GRID2: variants seen among roughly 807,000 people sequenced by gnomAD.
GRID2 encodes the protein glutamate ionotropic receptor delta type subunit 2, also known as glutamate receptor ionotropic, delta-2.
A neutral mutation model predicts 114.8 loss-of-function variants in GRID2; 33 were observed. That is an observed-to-expected ratio of 0.29 (90% CI 0.22 to 0.38). The LOEUF is 0.38. Ranked by LOEUF, GRID2 falls within the 10% of genes least tolerant of loss-of-function variation. GRID2 has a pLI of 1.00. For synonymous variants in GRID2, 505 were observed against 449.9 expected (o/e 1.12, Z -1.55); for missense variants, 1,184 against 1,257.7 (o/e 0.94, Z 0.89).
At chr4:92,572,489 G>A (rs1019631514) in intron 1 of GRID2, among the ~76,000 whole-genome samples, 1 of 151,954 alleles carries the variant, frequency 6.6e-6, no homozygotes, top group East Asian at 1.9e-4. Context: ...CTTCTGAAAT[G>A]ATTCCAATCA....
chr4:93,030,590 G>A (rs1724319175), intron 2 of GRID2, among the ~76,000 whole-genome samples: 1 of 151,930 alleles, frequency 6.6e-6, no homozygotes, highest in Non-Finnish European at 1.5e-5. Context: ...TTGCCATGTT[G>A]GCCAGGCTGG....
chr4:93,270,428 T>TA (rs1367243556), intron 8 of GRID2, among the ~76,000 whole-genome samples: 1 of 152,126 alleles, frequency 6.6e-6, no homozygotes, highest in Admixed American at 6.6e-5. Context: ...CAAATGTCCT[T>TA]ACATCAAGAA....
intron 2 of GRID2, among the ~76,000 whole-genome samples, chr4:93,036,770 T>C (rs1724972821): frequency 1.3e-5 from 2 of 152,162 alleles, no homozygotes. Context: ...TGAGCTCTGA[T>C]TATTTGGTAG....
intron 1 of GRID2, among the ~76,000 whole-genome samples, chr4:93,802,127 G>C (rs541754354): frequency 2.0e-5 from 3 of 152,278 alleles, no homozygotes; most frequent in East Asian, 3.9e-4. Context: ...CTGCCGCAGG[G>C]CGTGCCCTGA....
chr4:92,403,863 A>T (rs931669487), intron 1 of GRID2, among the ~76,000 whole-genome samples: 4 of 152,046 alleles, frequency 2.6e-5, no homozygotes, highest in Non-Finnish European at 5.9e-5. Context: ...AGGGAGAGAG[A>T]TAGGGAATGG....
At chr4:92,576,022 C>T (rs1475693782) in intron 1 of GRID2, among the ~76,000 whole-genome samples, 2 of 152,238 alleles carry the variant, frequency 1.3e-5, no homozygotes, top group Non-Finnish European at 2.9e-5. Context: ...TGCCCATTGG[C>T]TTGGACTCTC....
intron 2 of GRID2, among the ~76,000 whole-genome samples, chr4:92,877,505 A>G (rs1254917239): frequency 6.6e-6 from 1 of 152,200 alleles, no homozygotes; most frequent in Non-Finnish European, 1.5e-5. Context: ...ATCATTTATC[A>G]AAATAATCTT....
intron 1 of GRID2, among the ~76,000 whole-genome samples, chr4:92,444,437 G>T (rs796200621): frequency 6.6e-6 from 1 of 152,090 alleles, no homozygotes; most frequent in African/African-American, 2.4e-5. Context: ...TGCTTTTGGC[G>T]CCAGGATGAG....
chr4:92,732,479 T>C (rs1039898731), intron 2 of GRID2, among the ~76,000 whole-genome samples: 1 of 152,064 alleles, frequency 6.6e-6, no homozygotes, highest in African/African-American at 2.4e-5. Flanking sequence ...GCACTTGTCA[T>C]GAAAACAAAG....
At chr4:93,128,317 T>C (rs1420571984) in intron 4 of GRID2, among the ~76,000 whole-genome samples, 1 of 152,012 alleles carries the variant, frequency 6.6e-6, no homozygotes, top group African/African-American at 2.4e-5. Context: ...TTGGATTAAA[T>C]GGATTAATTT....
intron 13 of GRID2, among the ~76,000 whole-genome samples, chr4:93,553,352 G>T (rs957760109): frequency 2.0e-5 from 3 of 152,156 alleles, no homozygotes; most frequent in Non-Finnish European, 4.4e-5. Context: ...TCTCATTGTG[G>T]TTTTGATTTG....
intron 2 of GRID2, among the ~76,000 whole-genome samples, chr4:92,618,319 A>G (rs917568810): frequency 1.3e-5 from 2 of 151,764 alleles, no homozygotes; most frequent in East Asian, 1.9e-4. Flanking sequence ...AGTTGGCTGT[A>G]GATGTATGGA....
chr4:92,404,421 T>C (rs1215564025), intron 1 of GRID2, among the ~76,000 whole-genome samples: 1 of 152,132 alleles, frequency 6.6e-6, no homozygotes, highest in Non-Finnish European at 1.5e-5. Context: ...ACAGGAATGC[T>C]TTTACACCGT....
intron 2 of GRID2, among the ~76,000 whole-genome samples, chr4:92,784,779 A>G (rs1293141043): frequency 4.6e-5 from 7 of 151,874 alleles, no homozygotes; most frequent in Non-Finnish European, 1.5e-5. Context: ...AAAATAGCAA[A>G]CCAGGTGCCA....
intron 2 of GRID2, among the ~76,000 whole-genome samples, chr4:92,945,795 C>A (rs1751579907): frequency 6.6e-6 from 1 of 152,102 alleles, no homozygotes; most frequent in Non-Finnish European, 1.5e-5. Context: ...ATTTGATCAT[C>A]TTATTTTCAG....
chr4:93,589,163 C>T (rs1004686154), intron 13 of GRID2, among the ~76,000 whole-genome samples: 15 of 151,688 alleles, frequency 9.9e-5, no homozygotes, highest in African/African-American at 3.6e-4. Context: ...AACTCGTCAT[C>T]TAGCATTAGG....
chr4:93,481,192 C>T (rs1010435850), intron 11 of GRID2, among the ~76,000 whole-genome samples: 1 of 151,942 alleles, frequency 6.6e-6, no homozygotes, highest in Non-Finnish European at 1.5e-5. Context: ...TAAGGAGTAA[C>T]GTGGTGAGTC....
Position 93,772,627 on chromosome 4 carries a change from T to G in GRID2, c.*129T>G, listed in dbSNP as rs1734202738. 1 of 646,008 alleles carries G rather than the reference T, an allele frequency of 1.5e-6. No individual in the cohort carries two copies. The highest frequency in any genetic ancestry group is 2.8e-5 in the East Asian group (1 of 35,356). 40.0% of individuals were successfully genotyped at this position (646,008 alleles called of 1,614,324 possible). Reference sequence around the variant, plus strand: ...CAGGATTATTAGTAACAATTCTAGTTTTTTCCTCCCACCTTCTCCCTCTCC... The same window carrying G: ...CAGGATTATTAGTAACAATTCTAGTGTTTTCCTCCCACCTTCTCCCTCTCC... On this transcript the variant is annotated 3_prime_UTR_variant, in exon 16 of 16. Transcript: ENST00000282020.
chr4:93,454,172 G>A (rs1905728), intron 10 of GRID2, among the ~76,000 whole-genome samples: 2,690 of 151,846 alleles, frequency 0.018, 66 homozygotes, highest in African/African-American at 0.062. Flanking sequence ...TAGATCCATG[G>A]TACGTATACT....
Sources: gnomAD v4.1 joint callset for allele counts (sites outside exome capture counted in the v4.1 genomes callset) on GRCh38, gnomAD v4.1.1 for gene constraint, MANE v1.5 for transcripts, NCBI Gene and HGNC (gene_info 2026-07-23, HGNC 2026-07-21) for gene names.